The following NCOR2 variants were observed in gnomAD, a reference collection of about 807,000 sequenced individuals.
The protein encoded by NCOR2 is CTG repeat protein 26.
In NCOR2, 81 loss-of-function variants were observed where a neutral mutation model predicts 262.9. That is an observed-to-expected ratio of 0.31 (90% confidence interval 0.26 to 0.37). NCOR2 has a LOEUF of 0.37. Ranked by LOEUF, NCOR2 falls within the 10% of genes least tolerant of loss-of-function variation. The pLI is 1.00. For missense variants in NCOR2, 3,385 were observed against 3,621.4 expected (o/e 0.93, Z 1.68); for synonymous variants, 1,659 against 1,559.3 (o/e 1.06, Z -1.51).
At chr12:124,385,038 G>A (rs181255513) in intron 17 of NCOR2, among the ~76,000 whole-genome samples, 1 of 152,096 alleles carries the variant, frequency 6.6e-6, no homozygotes, top group African/African-American at 2.4e-5. Flanking sequence ...GGAGAAAGGA[G>A]GGAGGAAGGG....
At chr12:124,512,849 C>T (rs531982871) in intron 1 of NCOR2, among the ~76,000 whole-genome samples, 3 of 152,292 alleles carry the variant, frequency 2.0e-5, no homozygotes, top group Non-Finnish European at 4.4e-5. Context: ...CTCACGCCCA[C>T]GCCTCTCGGC....
At chr12:124,518,850 T>C (rs905579215) in intron 1 of NCOR2, among the ~76,000 whole-genome samples, 1 of 152,126 alleles carries the variant, frequency 6.6e-6, no homozygotes, top group Non-Finnish European at 1.5e-5. Flanking sequence ...CACCTGCACC[T>C]CCAACCTGAG....
chr12:124,499,931 T>G, upstream of NCOR2, among the ~76,000 whole-genome samples: 1 of 151,194 alleles, frequency 6.6e-6, no homozygotes, highest in African/African-American at 2.4e-5. Flanking sequence ...GAAGGGGAAA[T>G]GGGCAGGTGG....
chr12:124,512,421 T>C (rs1041080239), intron 1 of NCOR2, among the ~76,000 whole-genome samples: 19 of 152,204 alleles, frequency 1.2e-4, no homozygotes, highest in Non-Finnish European at 2.9e-5. Context: ...TGCTCTCTCC[T>C]CTTCTGTCTC....
chr12:124,368,073 A>G (rs1277375394), intron 20 of NCOR2, among the ~76,000 whole-genome samples: 3 of 152,128 alleles, frequency 2.0e-5, no homozygotes, highest in Non-Finnish European at 4.4e-5. Flanking sequence ...TGCAGTTGCG[A>G]GCAAAGGCTC....
chr12:124,360,053 T>C (rs1241933883), intron 22 of NCOR2, among the ~76,000 whole-genome samples: 1 of 152,210 alleles, frequency 6.6e-6, no homozygotes, highest in Non-Finnish European at 1.5e-5. Flanking sequence ...TGCTGGCCGG[T>C]GGCTCCCTTT....
chr12:124,386,780 C>T (rs1175252539), intron 16 of NCOR2, among the ~76,000 whole-genome samples: 2 of 152,246 alleles, frequency 1.3e-5, no homozygotes, highest in African/African-American at 2.4e-5. Flanking sequence ...GGAAGCCAAG[C>T]CCCCGGTCTC....
At position 124,356,777 on chromosome 12, in the gene NCOR2, CGAAGGCTGG is replaced by C. The variant is rs779736204; in HGVS notation, c.3101-4_3105del. 2.0e-6 allele frequency: 3 copies of C among 1,474,438 alleles called. No individual in the cohort carries two copies. The highest frequency in any genetic ancestry group is 2.7e-6 in the Non-Finnish European group (3 of 1,122,450). The allele number at this position is 1,474,438 out of a possible 1,614,324, so 91.3% of individuals were successfully genotyped here. ...CCAGGCAGCTTCTGGGCCTCGGCTG[CGAAGGCTGG>C]GAAGAACACAGGCTTCTCTGCTGAG... On this transcript the variant is annotated splice_acceptor_variant and splice_polypyrimidine_tract_variant and coding_sequence_variant and intron_variant, in exon 23 of 47. Coordinates refer to ENST00000405201, the Ensembl canonical transcript of NCOR2. LOFTEE classifies it high-confidence loss of function.
intron 5 of NCOR2, among the ~76,000 whole-genome samples, chr12:124,463,528 G>T (rs1259397520): frequency 6.6e-6 from 1 of 152,244 alleles, no homozygotes; most frequent in Non-Finnish European, 1.5e-5. Flanking sequence ...GCCTCGCTCA[G>T]CGGGTGCCTC....
intron 3 of NCOR2, among the ~76,000 whole-genome samples, chr12:124,479,837 A>G (rs1296390625): frequency 6.6e-6 from 1 of 152,162 alleles, no homozygotes; most frequent in Non-Finnish European, 1.5e-5. Context: ...CATGGGGTGC[A>G]CTCCCAGCTG....
chr12:124,347,433 A>G (rs928859697), intron 30 of NCOR2: 6 of 213,352 alleles, frequency 2.8e-5, no homozygotes, highest in African/African-American at 1.4e-4. Flanking sequence ...CCAAGTTCAC[A>G]GTAGCTGGCT....
chr12:124,359,510 C>T (rs564544409), intron 22 of NCOR2, among the ~76,000 whole-genome samples: 3 of 152,228 alleles, frequency 2.0e-5, no homozygotes, highest in East Asian at 1.9e-4. Flanking sequence ...AGGCAGGGGG[C>T]ACAGATGCAG....
At chr12:124,387,561 G>C (rs2040908959) in intron 16 of NCOR2, among the ~76,000 whole-genome samples, 1 of 152,304 alleles carries the variant, frequency 6.6e-6, no homozygotes, top group Admixed American at 6.5e-5. Flanking sequence ...CGTGGCGTGG[G>C]GGTGGCACTG....
intron 1 of NCOR2, among the ~76,000 whole-genome samples, chr12:124,501,118 C>T (rs995329826): frequency 6.7e-6 from 1 of 150,084 alleles, no homozygotes; most frequent in Non-Finnish European, 1.5e-5. Flanking sequence ...TCGACAGAAC[C>T]CTCTGATACT....
intron 20 of NCOR2, among the ~76,000 whole-genome samples, chr12:124,364,209 T>C (rs2038837612): frequency 1.3e-5 from 2 of 152,190 alleles, no homozygotes; most frequent in South Asian, 2.1e-4. Context: ...ACACCACACG[T>C]GGCCCTTCCG....
intron 1 of NCOR2, among the ~76,000 whole-genome samples, chr12:124,518,548 C>T (rs1355879723): frequency 2.0e-5 from 3 of 152,270 alleles, no homozygotes; most frequent in Non-Finnish European, 2.9e-5. Flanking sequence ...TCCAGCGATC[C>T]GTTCTCGCCT....
chr12:124,365,863 T>A (rs1007656342), intron 20 of NCOR2, among the ~76,000 whole-genome samples: 1 of 152,020 alleles, frequency 6.6e-6, no homozygotes, highest in Admixed American at 6.5e-5. Context: ...ACAGACAAGG[T>A]ACCCTGACCC....
At chr12:124,328,494 G>A (rs1031292129) in intron 44 of NCOR2, 1 of 152,336 alleles carries the variant, frequency 6.6e-6, no homozygotes, top group African/African-American at 2.4e-5. Context: ...CTGACAATCG[G>A]GGAAACCTCC....
intron 13 of NCOR2, among the ~76,000 whole-genome samples, chr12:124,407,397 T>C (rs2042335077): frequency 6.6e-6 from 1 of 152,154 alleles, no homozygotes; most frequent in Non-Finnish European, 1.5e-5. Context: ...AATGGGAAAA[T>C]GGCCCCTGTG....
Sources: gnomAD v4.1 joint callset for allele counts (sites outside exome capture counted in the v4.1 genomes callset) on GRCh38, gnomAD v4.1.1 for gene constraint, MANE v1.5 for transcripts, NCBI Gene and HGNC (gene_info 2026-07-23, HGNC 2026-07-21) for gene names.